The following PABPC4L variants were observed in gnomAD, a reference collection of about 807,000 sequenced individuals.
PABPC4L encodes poly(A) binding protein cytoplasmic 4 like.
For synonymous variants in PABPC4L, 169 were observed against 164.1 expected, an observed-to-expected ratio of 1.03 and a Z score of -0.23; for missense variants, 452 against 451.4, an observed-to-expected ratio of 1.00 and a Z score of -0.01.
the PABPC4L span, among the ~76,000 whole-genome samples, chr4:134,104,080 C>A: frequency 1.3e-5 from 2 of 151,622 alleles, no homozygotes; most frequent in African/African-American, 4.8e-5. Flanking sequence ...AAAGTTTTTG[C>A]TAATATTTAA....
the PABPC4L span, among the ~76,000 whole-genome samples, chr4:134,045,195 AC>A: frequency 6.6e-6 from 1 of 152,182 alleles, no homozygotes; most frequent in African/African-American, 2.4e-5. Context: ...GATAGATTGC[AC>A]AAAATTAAAA....
At chr4:133,963,115 C>G in the PABPC4L span, among the ~76,000 whole-genome samples, 1 of 152,064 alleles carries the variant, frequency 6.6e-6, no homozygotes, top group Non-Finnish European at 1.5e-5. Flanking sequence ...CACATAAGGA[C>G]TCACATAAAC....
chr4:134,144,368 C>T, the PABPC4L span, among the ~76,000 whole-genome samples: 1 of 151,512 alleles, frequency 6.6e-6, no homozygotes. Flanking sequence ...GCAAACACAT[C>T]TATTAAATAA....
the PABPC4L span, among the ~76,000 whole-genome samples, chr4:134,053,216 T>C: frequency 6.6e-6 from 1 of 152,126 alleles, no homozygotes; most frequent in Non-Finnish European, 1.5e-5. Context: ...TAATAAGCCT[T>C]GATCTGTAAC....
Position 134,199,981 on chromosome 4 carries a change from T to C in PABPC4L, c.1039A>G (p.Lys347Glu). Residue 347 changes from lysine to glutamate, a missense_variant, in exon 2 of 2, where the codon AAA becomes GAA. Coordinates refer to ENST00000421491, the MANE Select transcript of PABPC4L (RefSeq NM_001114734.2). ...ICFSSPEDAT[K>E]AMTEMNGRIL... Reference sequence around the variant, plus strand: ...CGGCCATTCATCTCAGTCATTGCTTTAGTAGCATCCTCAGGAGAGGAGAAG... The same window carrying C: ...CGGCCATTCATCTCAGTCATTGCTTCAGTAGCATCCTCAGGAGAGGAGAAG... 2.6e-6 allele frequency: 4 copies of C among 1,551,660 alleles called. No individual in the cohort carries two copies. The highest frequency in any genetic ancestry group is 3.5e-6 in the Non-Finnish European group (4 of 1,146,956).
chr4:134,141,245 A>G, the PABPC4L span, among the ~76,000 whole-genome samples: 1 of 151,620 alleles, frequency 6.6e-6, no homozygotes, highest in Non-Finnish European at 1.5e-5. Context: ...ACCCCTGTGG[A>G]CAGAGGATGC....
At chr4:134,180,168 T>TA in the PABPC4L span, among the ~76,000 whole-genome samples, 283 of 152,004 alleles carry the variant, frequency 1.9e-3, no homozygotes, top group Middle Eastern at 3.4e-3. Flanking sequence ...AGCAAATTCA[T>TA]AAAAAACAAA....
At chr4:134,123,995 T>G in the PABPC4L span, among the ~76,000 whole-genome samples, 1 of 152,094 alleles carries the variant, frequency 6.6e-6, no homozygotes, top group Non-Finnish European at 1.5e-5. Flanking sequence ...TTACAAGGTT[T>G]GACCTTATGT....
Position 134,200,413 on chromosome 4 carries a change from C to T in PABPC4L, c.607G>A (p.Asp203Asn). 1 of 1,555,988 alleles carries T rather than the reference C, an allele frequency of 6.4e-7. No individual in the cohort carries two copies. Among genetic ancestry groups the T allele is most frequent in the Non-Finnish European group, 8.7e-7 (1 of 1,149,078 alleles). Residue 203 changes from aspartate (D) to asparagine (N), a missense_variant, in exon 2 of 2, where the codon GAT becomes AAT. Physicochemically the swap from Asp to Asn is conservative, Grantham distance 23. Coordinates refer to ENST00000421491, the MANE Select transcript of PABPC4L (RefSeq NM_001114734.2). The part of the protein sequence containing the change: ...YIKNFGGDMD[D>N]ERLKDVFSKY... ...CTGAAAACGTCCTTCAATCTCTCAT[C>T]ATCCATGTCACCTCCAAAGTTTTTT...
chr4:134,012,843 T>C, the PABPC4L span, among the ~76,000 whole-genome samples: 1 of 152,154 alleles, frequency 6.6e-6, no homozygotes, highest in East Asian at 1.9e-4. Context: ...TCAGTCTTGG[T>C]GCCACACTTC....
the PABPC4L span, among the ~76,000 whole-genome samples, chr4:134,089,418 C>G: frequency 6.6e-6 from 1 of 152,092 alleles, no homozygotes; most frequent in Non-Finnish European, 1.5e-5. Flanking sequence ...CCAAAGTCCA[C>G]AGTTTACATT....
At chr4:134,068,015 T>A in the PABPC4L span, among the ~76,000 whole-genome samples, 1 of 152,172 alleles carries the variant, frequency 6.6e-6, no homozygotes, top group African/African-American at 2.4e-5. Flanking sequence ...GGCAGAGTGC[T>A]CTTTAGATAT....
chr4:134,073,847 G>A, the PABPC4L span, among the ~76,000 whole-genome samples: 1 of 152,254 alleles, frequency 6.6e-6, no homozygotes, highest in African/African-American at 2.4e-5. Context: ...GGCCATTTTA[G>A]CCATGGCTGA....
chr4:134,041,570 C>T, the PABPC4L span, among the ~76,000 whole-genome samples: 70 of 151,858 alleles, frequency 4.6e-4, no homozygotes, highest in Non-Finnish European at 7.4e-5. Context: ...CACACTGGGG[C>T]CTGTCAGGGG....
At chr4:134,177,186 CTTTT>C in the PABPC4L span, among the ~76,000 whole-genome samples, 1 of 24,588 alleles carries the variant, frequency 4.1e-5, no homozygotes, top group Non-Finnish European at 7.4e-5. Context: ...CTTTTCTTTT[CTTTT>C]TTTTTTTTTT....
At chr4:134,104,546 C>T in the PABPC4L span, among the ~76,000 whole-genome samples, 1 of 151,832 alleles carries the variant, frequency 6.6e-6, no homozygotes, top group South Asian at 2.1e-4. Context: ...CGAAGCTCAG[C>T]ACCTGTTTGA....
At chr4:134,175,500 T>C in the PABPC4L span, among the ~76,000 whole-genome samples, 1 of 152,038 alleles carries the variant, frequency 6.6e-6, no homozygotes, top group Non-Finnish European at 1.5e-5. Flanking sequence ...CCAGGCTGAA[T>C]TGCAGTGGCA....
the PABPC4L span, among the ~76,000 whole-genome samples, chr4:133,964,191 C>G: frequency 2.0e-5 from 3 of 151,940 alleles, no homozygotes; most frequent in East Asian, 5.8e-4. Flanking sequence ...TACTGTGACA[C>G]CTTTCTGCAC....
the PABPC4L span, among the ~76,000 whole-genome samples, chr4:134,137,828 C>G: frequency 1.6e-4 from 25 of 151,682 alleles, no homozygotes; most frequent in Non-Finnish European, 3.5e-4. Flanking sequence ...AAGAAATAAG[C>G]CTTTACTGAT....
Sources: gnomAD v4.1 joint callset for allele counts (sites outside exome capture counted in the v4.1 genomes callset) on GRCh38, gnomAD v4.1.1 for gene constraint, MANE v1.5 for transcripts, NCBI Gene and HGNC (gene_info 2026-07-23, HGNC 2026-07-21) for gene names.